GRIK3: variants seen among roughly 807,000 people sequenced by gnomAD.
GRIK3 encodes the protein glutamate receptor ionotropic, kainate 3.
Under a neutral mutation model 102.5 loss-of-function variants are expected in GRIK3, and 29 were observed. The ratio of observed to expected loss-of-function variants is 0.28; its 90% CI spans 0.21 to 0.39. The LOEUF is 0.39. Ranked by LOEUF, GRIK3 falls within the 10% of genes least tolerant of loss-of-function variation. GRIK3 has a pLI of 1.00. For synonymous variants in GRIK3, 511 were observed against 504.9 expected, an observed-to-expected ratio of 1.01 and a Z score of -0.16; for missense variants, 908 against 1,252.4, an observed-to-expected ratio of 0.73 and a Z score of 4.15.
chr1:37,032,425 G>T (rs148153402), intron 1 of GRIK3, among the ~76,000 whole-genome samples: 1 of 151,980 alleles, frequency 6.6e-6, no homozygotes, highest in Non-Finnish European at 1.5e-5. Context: ...ACCCTACGAC[G>T]CAGGCCCCCA....
intron 13 of GRIK3, among the ~76,000 whole-genome samples, chr1:36,814,974 C>T (rs1411460835): frequency 1.3e-5 from 2 of 152,186 alleles, no homozygotes; most frequent in African/African-American, 2.4e-5. Context: ...CATGTCCCCA[C>T]ACAGGCAGAG....
chr1:36,898,853 T>C (rs1405916302), intron 1 of GRIK3, among the ~76,000 whole-genome samples: 1 of 152,126 alleles, frequency 6.6e-6, no homozygotes, highest in Non-Finnish European at 1.5e-5. Context: ...AGACAAACTA[T>C]ATATAGAGTC....
intron 1 of GRIK3, among the ~76,000 whole-genome samples, chr1:37,002,042 AG>A (rs1280142699): frequency 6.6e-6 from 1 of 152,202 alleles, no homozygotes; most frequent in Admixed American, 6.5e-5. Flanking sequence ...AAATGCTCTC[AG>A]AGAGCAACAA....
intron 1 of GRIK3, among the ~76,000 whole-genome samples, chr1:37,032,310 C>T (rs1212449412): frequency 6.6e-6 from 1 of 152,032 alleles, no homozygotes; most frequent in Admixed American, 6.5e-5. Flanking sequence ...GCTGGGAGCA[C>T]ACCCATCCCA....
At chr1:36,906,120 C>A (rs540283159) in intron 1 of GRIK3, among the ~76,000 whole-genome samples, 1 of 152,314 alleles carries the variant, frequency 6.6e-6, no homozygotes, top group South Asian at 2.1e-4. Flanking sequence ...CCCTGGGATA[C>A]CAAAAGAAGT....
chr1:37,008,678 C>A (rs1360048980), intron 1 of GRIK3, among the ~76,000 whole-genome samples: 1 of 152,292 alleles, frequency 6.6e-6, no homozygotes, highest in East Asian at 1.9e-4. Context: ...CCCTGGAGAG[C>A]TCCATGCACT....
chr1:37,023,058 G>A (rs1642731799), intron 1 of GRIK3, among the ~76,000 whole-genome samples: 1 of 152,214 alleles, frequency 6.6e-6, no homozygotes, highest in Non-Finnish European at 1.5e-5. Context: ...GCCGGGTGCA[G>A]TGGCTCACGT....
chr1:36,876,681 C>A (rs183295454), intron 3 of GRIK3, among the ~76,000 whole-genome samples: 3 of 152,322 alleles, frequency 2.0e-5, no homozygotes, highest in African/African-American at 7.2e-5. Flanking sequence ...GAGTATTTCC[C>A]ACTCCATGGG....
rs77534838 is a variant in GRIK3, at chr1:37,001,193, G to A, written c.115+32801C>T. Among the ~76,000 whole-genome samples, 32 of 152,268 alleles carry A rather than the reference G, an allele frequency of 2.1e-4. No individual in the cohort carries two copies. In the East Asian group the frequency reaches 4.6e-3, roughly 22 times the overall value. On this transcript the variant is annotated intron_variant, in intron 1 of 15. Transcript: ENST00000373091. ...CACTGTCCATAGCACTCAGAAAGAC[G>A]AGCTCCCATGAGCCAATGGCTTCTT...
At chr1:36,857,648 G>A (rs892372441) in intron 7 of GRIK3, among the ~76,000 whole-genome samples, 1 of 152,232 alleles carries the variant, frequency 6.6e-6, no homozygotes, top group African/African-American at 2.4e-5. Context: ...AAAGGCACAT[G>A]TGTGGTGCCC....
At chr1:36,905,299 T>C (rs1367471609) in intron 1 of GRIK3, among the ~76,000 whole-genome samples, 3 of 152,206 alleles carry the variant, frequency 2.0e-5, no homozygotes, top group African/African-American at 7.2e-5. Flanking sequence ...ATTGTAAAGA[T>C]GTCATTTCTC....
chr1:36,887,771 A>ATATATATATAT (rs1299959084), intron 2 of GRIK3, among the ~76,000 whole-genome samples: 1 of 106,740 alleles, frequency 9.4e-6, no homozygotes, highest in African/African-American at 3.8e-5. Context: ...AAAAAAAAAA[A>ATATATATATAT]ATATATATAT....
intron 1 of GRIK3, among the ~76,000 whole-genome samples, chr1:36,954,068 G>T (rs929434496): frequency 6.6e-6 from 1 of 152,182 alleles, no homozygotes; most frequent in Non-Finnish European, 1.5e-5. Flanking sequence ...GATCTACTAG[G>T]TGCAAGGGGT....
chr1:36,904,178 C>A (rs143147562), intron 1 of GRIK3, among the ~76,000 whole-genome samples: 1 of 152,198 alleles, frequency 6.6e-6, no homozygotes, highest in African/African-American at 2.4e-5. Context: ...TATTTTAACA[C>A]GTGAACACAC....
intron 1 of GRIK3, among the ~76,000 whole-genome samples, chr1:36,983,397 G>A (rs1476320166): frequency 6.6e-6 from 1 of 152,052 alleles, no homozygotes; most frequent in Non-Finnish European, 1.5e-5. Flanking sequence ...ACTCCCACAT[G>A]CATGCATACC....
In GRIK3 at chr1:36,797,101, G is replaced by A. The variant is rs1230756495; in HGVS notation, c.*4750C>T. 1 of 152,074 alleles carries A rather than the reference G, an allele frequency of 6.6e-6. No individual in the cohort carries two copies. Among genetic ancestry groups the A allele is most frequent in the African/African-American group, 2.4e-5 (1 of 41,400 alleles). 9.4% of individuals were successfully genotyped at this position (152,074 alleles called of 1,614,324 possible). A position where few individuals can be genotyped will look rare whatever the true frequency, so the allele number is the denominator to read the frequency against. On this transcript the variant is annotated 3_prime_UTR_variant, in exon 16 of 16. Coordinates refer to ENST00000373091, the MANE Select transcript of GRIK3 (RefSeq NM_000831.4). ...CCTCTTCTTCAGGGTCTGGAGCTCT[G>A]ATGTGTGGAGGGCCTTCGCCACCCC...
chr1:36,814,008 C>T (rs1439320799), intron 13 of GRIK3, among the ~76,000 whole-genome samples: 1 of 152,162 alleles, frequency 6.6e-6, no homozygotes, highest in African/African-American at 2.4e-5. Flanking sequence ...TTCTGACCCA[C>T]AGACTCCTGT....
chr1:37,032,408 C>T (rs1156886679), intron 1 of GRIK3, among the ~76,000 whole-genome samples: 1 of 152,012 alleles, frequency 6.6e-6, no homozygotes, highest in Admixed American at 6.5e-5. Flanking sequence ...CCTTTTTCCC[C>T]AAGGACACCC....
chr1:36,959,750 AT>A (rs2124346890), intron 1 of GRIK3, among the ~76,000 whole-genome samples: 1 of 83,010 alleles, frequency 1.2e-5, no homozygotes. Flanking sequence ...TGTGCGCCCC[AT>A]TGAGTCTGTG....
Sources: allele counts gnomAD v4.1 joint callset (sites outside exome capture counted in the v4.1 genomes callset), GRCh38; gene constraint gnomAD v4.1.1; transcripts MANE v1.5; gene names NCBI Gene and HGNC (gene_info 2026-07-23, HGNC 2026-07-21).